The following MAPK10 variants were observed in gnomAD, a reference collection of about 807,000 sequenced individuals.
The protein encoded by MAPK10 is mitogen-activated protein kinase 10, also known as JNK3 alpha protein kinase.
In MAPK10, 25 loss-of-function variants were observed where a neutral mutation model predicts 59.3. That is an observed-to-expected ratio of 0.42 (90% CI 0.31 to 0.59). MAPK10 has a LOEUF of 0.59. MAPK10 is among the 20% of genes least tolerant of loss of function. MAPK10 has a pLI of 0.15. For synonymous variants in MAPK10, 190 were observed against 200.5 expected (o/e 0.95, Z 0.44); for missense variants, 351 against 568.9 (o/e 0.62, Z 3.90).
chr4:86,057,897 C>T (rs977442128), intron 11 of MAPK10, among the ~76,000 whole-genome samples: 1 of 149,712 alleles, frequency 6.7e-6, no homozygotes, highest in Non-Finnish European at 1.5e-5. Context: ...TTTACAGCAA[C>T]CTAAAAGAAA....
At chr4:86,174,595 A>G (rs965211657) in intron 3 of MAPK10, among the ~76,000 whole-genome samples, 1 of 152,182 alleles carries the variant, frequency 6.6e-6, no homozygotes, top group African/African-American at 2.4e-5. Flanking sequence ...AATGTATCCC[A>G]GAGCTTAAAA....
At chr4:86,215,678 T>C (rs2087296335) in intron 2 of MAPK10, among the ~76,000 whole-genome samples, 1 of 152,094 alleles carries the variant, frequency 6.6e-6, no homozygotes, top group Non-Finnish European at 1.5e-5. Context: ...ATGGCCAACA[T>C]GGTGAAACCC....
intron 13 of MAPK10, among the ~76,000 whole-genome samples, chr4:86,023,762 A>G (rs542806229): frequency 3.5e-5 from 5 of 143,842 alleles, no homozygotes; most frequent in Admixed American, 1.4e-4. Context: ...GACTTATTTG[A>G]ATAAGAAGTT....
At chr4:86,021,466 C>G (rs964006142) in intron 13 of MAPK10, among the ~76,000 whole-genome samples, 3 of 152,076 alleles carry the variant, frequency 2.0e-5, no homozygotes, top group Admixed American at 6.5e-5. Flanking sequence ...AGGGTGCTGA[C>G]TGGTGTATTT....
intron 1 of MAPK10, among the ~76,000 whole-genome samples, chr4:86,571,249 G>T (rs1761423220): frequency 6.9e-6 from 1 of 145,616 alleles, no homozygotes; most frequent in African/African-American, 2.5e-5. Flanking sequence ...TCTTTGCAAT[G>T]ATATCCAAAA....
intron 9 of MAPK10, among the ~76,000 whole-genome samples, chr4:86,088,555 T>C (rs1561534027): frequency 1.3e-5 from 2 of 152,188 alleles, no homozygotes; most frequent in South Asian, 2.1e-4. Context: ...GTGATTTCAA[T>C]GTATTTCTTC....
At chr4:86,297,690 T>C (rs1331360363) in intron 2 of MAPK10, among the ~76,000 whole-genome samples, 10 of 152,174 alleles carry the variant, frequency 6.6e-5, no homozygotes, top group Admixed American at 6.5e-4. Flanking sequence ...TTTCCTATAA[T>C]TGGCTCTGTA....
intron 1 of MAPK10, among the ~76,000 whole-genome samples, chr4:86,477,115 G>C (rs1753157099): frequency 6.6e-6 from 1 of 152,018 alleles, no homozygotes; most frequent in African/African-American, 2.4e-5. Flanking sequence ...AGATGCTCTA[G>C]ATAACTCTCA....
At chr4:86,557,013 T>C (rs1463879303) in intron 1 of MAPK10, among the ~76,000 whole-genome samples, 1 of 152,060 alleles carries the variant, frequency 6.6e-6, no homozygotes, top group African/African-American at 2.4e-5. Flanking sequence ...ACAATGCTCT[T>C]CCTACTCTTC....
At chr4:86,310,498 G>A (rs1442522794) in intron 2 of MAPK10, among the ~76,000 whole-genome samples, 1 of 152,122 alleles carries the variant, frequency 6.6e-6, no homozygotes, top group African/African-American at 2.4e-5. Flanking sequence ...ACGACTGAAT[G>A]ACTTGATGAA....
chr4:86,143,727 A>G (rs1024732081), intron 4 of MAPK10, among the ~76,000 whole-genome samples: 1 of 152,322 alleles, frequency 6.6e-6, no homozygotes, highest in African/African-American at 2.4e-5. Flanking sequence ...TATTAAATGG[A>G]ATGGAATATA....
chr4:86,416,923 G>T (rs1365451906), intron 1 of MAPK10, among the ~76,000 whole-genome samples: 2 of 152,136 alleles, frequency 1.3e-5, no homozygotes, highest in Non-Finnish European at 1.5e-5. Flanking sequence ...AGAACCTGCT[G>T]CTGGAATTGT....
chr4:86,137,514 C>A (rs2062512842), intron 4 of MAPK10, among the ~76,000 whole-genome samples: 1 of 134,704 alleles, frequency 7.4e-6, no homozygotes, highest in Admixed American at 7.4e-5. Flanking sequence ...ATACCAGAAT[C>A]TCTGGGATGC....
At chr4:86,151,799 C>G (rs2066538688) in intron 4 of MAPK10, among the ~76,000 whole-genome samples, 1 of 152,182 alleles carries the variant, frequency 6.6e-6, no homozygotes, top group Non-Finnish European at 1.5e-5. Context: ...TATAATTTTC[C>G]TCTGCTCCCT....
At chr4:86,493,706 A>C (rs1178765389) in intron 1 of MAPK10, among the ~76,000 whole-genome samples, 2 of 152,172 alleles carry the variant, frequency 1.3e-5, no homozygotes, top group Non-Finnish European at 2.9e-5. Flanking sequence ...AGTTCTAAGA[A>C]TCTCCCTGTG....
At chr4:86,513,396 G>C (rs1756427326) in intron 1 of MAPK10, among the ~76,000 whole-genome samples, 1 of 152,138 alleles carries the variant, frequency 6.6e-6, no homozygotes, top group South Asian at 2.1e-4. Context: ...ATCATCCCCA[G>C]TACAATGATT....
chr4:86,424,398 C>T (rs1359137306), intron 1 of MAPK10, among the ~76,000 whole-genome samples: 1 of 152,064 alleles, frequency 6.6e-6, no homozygotes, highest in Non-Finnish European at 1.5e-5. Flanking sequence ...CCACGTTGGC[C>T]AGGCTGGTCT....
intron 13 of MAPK10, chr4:86,025,383 T>C (rs1749659792): frequency 5.1e-6 from 2 of 395,560 alleles, no homozygotes; most frequent in South Asian, 1.4e-4. Context: ...TCTATTTTCA[T>C]GTAGGCAATA....
chr4:86,035,987 T>C (rs1029239973), intron 11 of MAPK10, among the ~76,000 whole-genome samples: 3 of 152,048 alleles, frequency 2.0e-5, no homozygotes, highest in African/African-American at 7.2e-5. Flanking sequence ...ATGGCCAAAT[T>C]AAAATTTAAA....
Sources: gnomAD v4.1 joint callset for allele counts (sites outside exome capture counted in the v4.1 genomes callset) on GRCh38, gnomAD v4.1.1 for gene constraint, MANE v1.5 for transcripts, NCBI Gene and HGNC (gene_info 2026-07-23, HGNC 2026-07-21) for gene names.